Variants in NAPA observed in about 807,000 individuals in gnomAD.
NAPA encodes NSF attachment protein alpha.
NAPA carries 18 observed loss-of-function variants against 48.0 expected under a neutral mutation model. The ratio of observed to expected loss-of-function variants is 0.38; its 90% CI spans 0.26 to 0.56. NAPA has a LOEUF of 0.56. Among genes scored for constraint, NAPA ranks in the 20% least tolerant of loss-of-function variants. NAPA has a pLI of 0.77. For synonymous variants in NAPA, 152 were observed against 149.9 expected (o/e 1.01, Z -0.10); for missense variants, 315 against 385.0 (o/e 0.82, Z 1.52).
downstream of NAPA, among the ~76,000 whole-genome samples, chr19:47,485,045 ATTC>A (rs1968030994): frequency 6.6e-6 from 1 of 151,920 alleles, no homozygotes; most frequent in Admixed American, 6.6e-5. Flanking sequence ...TAATTAATAC[ATTC>A]TTCTTGCCCC....
intron 1 of NAPA, among the ~76,000 whole-genome samples, chr19:47,504,397 CAAAAA>C (rs11367620): frequency 5.2e-5 from 3 of 57,206 alleles, no homozygotes; most frequent in African/African-American, 1.9e-4. Context: ...GACCTTGTCT[CAAAAA>C]AAAAAAAAAA....
At chr19:47,495,841 G>A (rs902664108) in intron 3 of NAPA, 2 of 534,982 alleles carry the variant, frequency 3.7e-6, no homozygotes, top group Non-Finnish European at 6.7e-6. Context: ...ATGCTTCTGG[G>A]GGAGCCCTTC....
At chr19:47,490,060 GGTGT>G (rs58641405) in intron 9 of NAPA, among the ~76,000 whole-genome samples, 8 of 148,314 alleles carry the variant, frequency 5.4e-5, no homozygotes, top group African/African-American at 1.7e-4. Flanking sequence ...GTGTGGTGGA[GGTGT>G]GTGTGTGTGT....
At chr19:47,505,480 T>C (rs1047459354) in intron 1 of NAPA, 3 of 152,240 alleles carry the variant, frequency 2.0e-5, no homozygotes, top group Non-Finnish European at 4.4e-5. Flanking sequence ...AAGTGCTCAT[T>C]TCATCAAACC....
In NAPA at chr19:47,489,755, G is replaced by C; in HGVS notation, c.742C>G (p.Leu248Val). The change falls in exon 10 of 11, where the codon CTA becomes GTA. Residue 248 changes from leucine (L) to valine (V), a missense_variant. Around this residue, in one of 3 missense-constraint regions of NAPA, gnomAD observed 137 missense variants for 150.1 expected, o/e 0.91. Coordinates refer to ENST00000263354, the MANE Select transcript of NAPA (RefSeq NM_003827.4). ...SRECKLMKKL[L>V]EAHEEQNVDS... The stretch of plus-strand genomic sequence containing the variant: ...ACATTCTGCTCCTCGTGGGCCTCTA[G>C]CAATTTCTGCAAGCAAATGGCAGAG... 1 of 1,614,068 alleles carries C rather than the reference G, an allele frequency of 6.2e-7. No individual in the cohort carries two copies. Among genetic ancestry groups the C allele is most frequent in the Non-Finnish European group, 8.5e-7 (1 of 1,179,992 alleles).
At chr19:47,507,479 C>A (rs1033118597) in intron 1 of NAPA, among the ~76,000 whole-genome samples, 2 of 152,178 alleles carry the variant, frequency 1.3e-5, no homozygotes, top group African/African-American at 4.8e-5. Context: ...TCCCGAAGGA[C>A]CTCACGAGGC....
chr19:47,502,237 CAAAAAAAAAA>C (rs55762206), intron 2 of NAPA, among the ~76,000 whole-genome samples: 1 of 62,454 alleles, frequency 1.6e-5, no homozygotes, highest in Admixed American at 2.4e-4. Context: ...AAGACTGTCT[CAAAAAAAAAA>C]AAAAAAAAAA....
intron 4 of NAPA, among the ~76,000 whole-genome samples, chr19:47,494,690 A>G (rs1446608792): frequency 6.9e-6 from 1 of 144,306 alleles, no homozygotes; most frequent in Non-Finnish European, 1.5e-5. Context: ...GTGAGTGGAG[A>G]TCACGCCACT....
chr19:47,487,318 C>T (rs1475718707), downstream of NAPA, among the ~76,000 whole-genome samples: 1 of 152,234 alleles, frequency 6.6e-6, no homozygotes, highest in Non-Finnish European at 1.5e-5. Context: ...AGGACCGTCA[C>T]ATTCGACCCT....
intron 4 of NAPA, among the ~76,000 whole-genome samples, chr19:47,494,169 G>A (rs374742677): frequency 5.3e-5 from 8 of 152,316 alleles, no homozygotes; most frequent in Non-Finnish European, 7.4e-5. Context: ...ACCTTGTTTC[G>A]GGTCTCAGTG....
At chr19:47,513,919 G>A (rs1721561742) in intron 1 of NAPA, among the ~76,000 whole-genome samples, 1 of 46,810 alleles carries the variant, frequency 2.1e-5, no homozygotes, top group Non-Finnish European at 6.8e-5. Context: ...GCTCGATCTC[G>A]GCTCACTGCA....
chr19:47,513,885 T>C (rs1968853953), intron 1 of NAPA, among the ~76,000 whole-genome samples: 3 of 142,162 alleles, frequency 2.1e-5, no homozygotes, highest in South Asian at 4.7e-4. Flanking sequence ...AGTCTCGCTC[T>C]GTCCCCCAGG....
chr19:47,495,718 G>T, intron 3 of NAPA, 122 bp from the exon 4 acceptor site: 1 of 812,104 alleles, frequency 1.2e-6, no homozygotes, highest in Non-Finnish European at 2.1e-6. Context: ...GGCGCTCAGA[G>T]CTGCCAGCGC....
intron 1 of NAPA, among the ~76,000 whole-genome samples, chr19:47,509,339 TAAAATAAAATAAATA>T (rs1278932714): frequency 3.7e-4 from 46 of 125,118 alleles, no homozygotes; most frequent in African/African-American, 9.2e-4. Flanking sequence ...TAAAATAAAA[TAAAATAAAATAAATA>T]AAATAAAATA....
At chr19:47,512,657 GAA>G (rs2122785607) in intron 1 of NAPA, 1 of 152,256 alleles carries the variant, frequency 6.6e-6, no homozygotes, top group South Asian at 2.1e-4. Context: ...TGAAGAAAAA[GAA>G]ACACACACAC....
At position 47,492,078 on chromosome 19, in the gene NAPA, G is replaced by A. The variant is rs759871131; in HGVS notation, c.603C>T (p.Ser201=). 17 of 1,614,034 alleles carry A rather than the reference G, an allele frequency of 1.1e-5. No individual in the cohort carries two copies. Among genetic ancestry groups the A allele is most frequent in the South Asian group, 2.2e-5 (2 of 91,094 alleles). Residue 201 remains serine, a synonymous_variant, in exon 8 of 11, where the codon AGC becomes AGT. Transcript: ENST00000263354. ...NAMDSPLLKY[S]AKDYFFKAAL... is the part of the protein sequence containing the mutation. ...CCGCCTTGAAGAAGTAGTCTTTGGC[G>A]CTGTACTTGAGGAGGGGGCTGTCCA...
intron 1 of NAPA, chr19:47,505,306 A>T (rs1968671784): frequency 1.3e-5 from 2 of 152,118 alleles, no homozygotes; most frequent in Admixed American, 1.3e-4. Flanking sequence ...ATCCCATCCC[A>T]CACCCTGTGT....
intron 1 of NAPA, among the ~76,000 whole-genome samples, chr19:47,507,938 C>T (rs1040716231): frequency 5.3e-5 from 8 of 152,170 alleles, no homozygotes; most frequent in African/African-American, 2.4e-5. Context: ...TTGCCTCTCA[C>T]TCAGTGATCA....
chr19:47,510,448 C>T (rs1968784606), intron 1 of NAPA, among the ~76,000 whole-genome samples: 1 of 152,196 alleles, frequency 6.6e-6, no homozygotes, highest in African/African-American at 2.4e-5. Flanking sequence ...ACAGTGAGCC[C>T]TTAATAAACA....
Sources: allele counts gnomAD v4.1 joint callset (sites outside exome capture counted in the v4.1 genomes callset), GRCh38; gene constraint gnomAD v4.1.1; regional missense constraint gnomAD v4.1.1; transcripts MANE v1.5; gene names NCBI Gene and HGNC (gene_info 2026-07-23, HGNC 2026-07-21).